Variants in DOCK2 observed in about 807,000 individuals in gnomAD.
The protein encoded by DOCK2 is dedicator of cytokinesis 2.
DOCK2 carries 87 observed loss-of-function variants against 248.9 expected under a neutral mutation model. That is an observed-to-expected ratio of 0.35 (90% confidence interval 0.29 to 0.42). The LOEUF (loss-of-function observed/expected upper bound fraction) is 0.42, where lower values mean the gene tolerates loss of function less well. DOCK2 is among the 10% of genes least tolerant of loss of function. The pLI, the probability that DOCK2 is intolerant of heterozygous loss-of-function variation, is 1.00. For synonymous variants in DOCK2, 805 were observed against 821.6 expected, an observed-to-expected ratio of 0.98 and a Z score of 0.35; for missense variants, 1,747 against 2,300.2, an observed-to-expected ratio of 0.76 and a Z score of 4.92.
rs866453842 is a variant in DOCK2 at position 169,824,216 on chromosome 5, A to T, written c.2704-16541A>T. Among the ~76,000 whole-genome samples, 304 of 152,290 alleles carry T rather than the reference A, an allele frequency of 2.0e-3. 1 individual carries two copies. The highest frequency in any genetic ancestry group is 3.4e-3 in the Middle Eastern group (1 of 294). ...ACTGCCCAAGGTAATTTATAGATTCAATGCCATCCCCATCAAGCTACCAAT... is the reference window on the plus strand; with the variant it reads ...ACTGCCCAAGGTAATTTATAGATTCTATGCCATCCCCATCAAGCTACCAAT... On this transcript the variant is annotated intron_variant, in intron 26 of 51. Transcript: ENST00000520908.
Position 169,985,824 on chromosome 5 carries a change from T to G in DOCK2, c.2899-4T>G. ...GACATGTGTGCTGTGCTTCATTGTTTCAGGACTTCTTGATGGAGACCTTCA... is the reference window on the plus strand; with the variant it reads ...GACATGTGTGCTGTGCTTCATTGTTGCAGGACTTCTTGATGGAGACCTTCA... On this transcript the variant is annotated splice_polypyrimidine_tract_variant and splice_region_variant and intron_variant, in intron 28 of 51. Coordinates refer to ENST00000520908, the MANE Select transcript of DOCK2 (RefSeq NM_004946.3). 6.2e-7 allele frequency: 1 copy of G among 1,606,100 alleles called. No homozygotes were observed. The highest frequency in any genetic ancestry group is 8.5e-7 in the Non-Finnish European group (1 of 1,175,274).
intron 26 of DOCK2, among the ~76,000 whole-genome samples, chr5:169,810,079 C>T (rs1185180746): frequency 6.6e-6 from 1 of 152,172 alleles, no homozygotes; most frequent in Non-Finnish European, 1.5e-5. Context: ...CACCCCAGCA[C>T]AATGCCTGGC....
chr5:169,851,487 C>T (rs1770615150), intron 27 of DOCK2, among the ~76,000 whole-genome samples: 1 of 152,142 alleles, frequency 6.6e-6, no homozygotes, highest in Non-Finnish European at 1.5e-5. Flanking sequence ...TCCAATGGAG[C>T]AGACCTTTGC....
intron 14 of DOCK2, chr5:169,704,208 G>T (rs1186534292): frequency 6.6e-6 from 1 of 152,176 alleles, no homozygotes; most frequent in East Asian, 1.9e-4. Flanking sequence ...GGAAGCCTGT[G>T]GGAGGCTTTT....
At chr5:169,692,241 A>G (rs1350897812) in intron 9 of DOCK2, among the ~76,000 whole-genome samples, 1 of 152,192 alleles carries the variant, frequency 6.6e-6, no homozygotes, top group African/African-American at 2.4e-5. Flanking sequence ...GATTTAGCCC[A>G]GTTTTGGGGT....
intron 22 of DOCK2, among the ~76,000 whole-genome samples, chr5:169,725,081 G>A (rs1412926039): frequency 6.6e-6 from 1 of 152,214 alleles, no homozygotes; most frequent in Non-Finnish European, 1.5e-5. Flanking sequence ...TGCCGAGCAT[G>A]AGCTGAAATG....
At chr5:170,082,085 G>A (rs1330286686) in intron 51 of DOCK2, 101 bp downstream of exon 51, 4 of 1,495,710 alleles carry the variant, frequency 2.7e-6, no homozygotes, top group Non-Finnish European at 3.6e-6. Context: ...TGCATATGTG[G>A]TCATTCCTAG....
At chr5:170,045,108 T>A (rs890121388) in intron 38 of DOCK2, among the ~76,000 whole-genome samples, 6 of 152,180 alleles carry the variant, frequency 3.9e-5, no homozygotes, top group African/African-American at 1.4e-4. Context: ...AATTTTTTTT[T>A]AATATTCTAG....
At chr5:169,690,122 C>T (rs564986666) in intron 9 of DOCK2, among the ~76,000 whole-genome samples, 2 of 149,280 alleles carry the variant, frequency 1.3e-5, no homozygotes, top group South Asian at 4.2e-4. Flanking sequence ...GGCACCATCT[C>T]GGCTCTCAAG....
chr5:169,776,622 C>T (rs1765398934), intron 25 of DOCK2, among the ~76,000 whole-genome samples: 1 of 152,320 alleles, frequency 6.6e-6, no homozygotes, highest in African/African-American at 2.4e-5. Flanking sequence ...TGGCTCTGCG[C>T]CCCTGACCAA....
chr5:169,906,951 T>C (rs1774315486), intron 27 of DOCK2, among the ~76,000 whole-genome samples: 2 of 152,098 alleles, frequency 1.3e-5, no homozygotes, highest in Non-Finnish European at 2.9e-5. Flanking sequence ...TCAATAAATA[T>C]TTATTGAGTT....
intron 47 of DOCK2, among the ~76,000 whole-genome samples, chr5:170,076,351 C>T (rs1346167082): frequency 6.6e-6 from 1 of 152,230 alleles, no homozygotes; most frequent in Non-Finnish European, 1.5e-5. Context: ...GAAAGCTACA[C>T]TGATGCAGCA....
intron 46 of DOCK2, chr5:170,075,382 T>C (rs1280348405): frequency 6.6e-6 from 1 of 152,598 alleles, no homozygotes; most frequent in African/African-American, 2.4e-5. Flanking sequence ...TTATCATTTT[T>C]CAGAGCTCCC....
chr5:170,008,994 T>A (rs1407645175), intron 32 of DOCK2, among the ~76,000 whole-genome samples: 1 of 151,958 alleles, frequency 6.6e-6, no homozygotes, highest in African/African-American at 2.4e-5. Context: ...CCCAATGGGT[T>A]ACAGATCCAA....
Position 169,711,964 on chromosome 5 carries a change from G to T in DOCK2, c.1512G>T (p.Arg504Ser). ...KVAVPIEDMQ[R>S]IHLRFMFRHR... is the part of the protein sequence containing the mutation. ...CTGTCCCTATTGAAGACATGCAGAGGATCCATCTGCGATTCATGTTTCGAC... is the reference window on the plus strand; with the variant it reads ...CTGTCCCTATTGAAGACATGCAGAGTATCCATCTGCGATTCATGTTTCGAC... Residue 504 changes from arginine to serine, a missense_variant, in exon 16 of 52, where the codon AGG becomes AGT. Physicochemically the swap from Arg to Ser is moderately radical, Grantham distance 110. Around this residue, in one of 4 missense-constraint regions of DOCK2, gnomAD observed 858 missense variants for 1,183.5 expected, o/e 0.72. Transcript: ENST00000520908. 6.2e-7 allele frequency: 1 copy of T among 1,614,068 alleles called. No individual in the cohort carries two copies. Among genetic ancestry groups the T allele is most frequent in the Middle Eastern group, 1.7e-4 (1 of 6,060 alleles).
chr5:170,015,085 C>T (rs1288435710), intron 32 of DOCK2, among the ~76,000 whole-genome samples: 1 of 152,090 alleles, frequency 6.6e-6, no homozygotes, highest in Non-Finnish European at 1.5e-5. Context: ...CTTCAGGGAG[C>T]TCCATGGGGT....
At chr5:169,968,704 A>G (rs1003588716) in intron 27 of DOCK2, among the ~76,000 whole-genome samples, 1 of 152,138 alleles carries the variant, frequency 6.6e-6, no homozygotes, top group African/African-American at 2.4e-5. Context: ...GACTCCCGCT[A>G]GTTATTAGGA....
chr5:169,903,507 G>C (rs1774074429), intron 27 of DOCK2, among the ~76,000 whole-genome samples: 1 of 149,876 alleles, frequency 6.7e-6, no homozygotes, highest in African/African-American at 2.5e-5. Flanking sequence ...GAGCTTGGAA[G>C]AGAGTAGGAG....
intron 38 of DOCK2, among the ~76,000 whole-genome samples, chr5:170,043,709 ACCTCCTGC>A (rs1756597137): frequency 6.6e-6 from 1 of 151,944 alleles, no homozygotes; most frequent in South Asian, 2.1e-4. Context: ...CATCCCTTGA[ACCTCCTGC>A]CCTGCTGGGT....
Sources: allele counts gnomAD v4.1 joint callset (sites outside exome capture counted in the v4.1 genomes callset), GRCh38; gene constraint gnomAD v4.1.1; regional missense constraint gnomAD v4.1.1; transcripts MANE v1.5; gene names NCBI Gene and HGNC (gene_info 2026-07-23, HGNC 2026-07-21).